The following PXYLP1 variants were observed in gnomAD, a reference collection of about 807,000 sequenced individuals.
PXYLP1 encodes the protein acid phosphatase-like 2.
In PXYLP1, 17 loss-of-function variants were observed where a neutral mutation model predicts 37.9. The ratio of observed to expected loss-of-function variants is 0.45; its 90% CI spans 0.31 to 0.67. The LOEUF is 0.67. Ranked by LOEUF, PXYLP1 falls within the 30% of genes least tolerant of loss-of-function variation. The pLI is 0.07. For synonymous variants in PXYLP1, 221 were observed against 232.2 expected, an observed-to-expected ratio of 0.95 and a Z score of 0.44; for missense variants, 511 against 612.0, an observed-to-expected ratio of 0.84 and a Z score of 1.74.
intron 5 of PXYLP1, 45 bp downstream of exon 5, chr3:141,287,498 T>C (rs1200303973): frequency 6.3e-7 from 1 of 1,596,304 alleles, no homozygotes. Flanking sequence ...CACCCGCTCT[T>C]CTGCTTGCAT....
intron 1 of PXYLP1, among the ~76,000 whole-genome samples, chr3:141,245,890 G>T (rs1015894734): frequency 1.4e-4 from 21 of 152,222 alleles, no homozygotes; most frequent in African/African-American, 5.1e-4. Context: ...CTTTGCTGTT[G>T]TTGTTTGGAT....
intron 1 of PXYLP1, among the ~76,000 whole-genome samples, chr3:141,239,596 C>T (rs1441429603): frequency 2.6e-5 from 4 of 152,140 alleles, no homozygotes; most frequent in African/African-American, 9.7e-5. Context: ...TGGTGTTTAA[C>T]GACTCTACTT....
At chr3:141,255,458 G>C (rs1941242724) in intron 1 of PXYLP1, among the ~76,000 whole-genome samples, 1 of 152,248 alleles carries the variant, frequency 6.6e-6, no homozygotes, top group Non-Finnish European at 1.5e-5. Flanking sequence ...AGAAGGTGAT[G>C]GGACTTGAGA....
At position 141,278,309 on chromosome 3, in the gene PXYLP1, C is replaced by T. The variant is rs202095422; in HGVS notation, c.80-33C>T. 2.5e-6 allele frequency: 4 copies of T among 1,612,850 alleles called. No individual in the cohort carries two copies. In the East Asian group the frequency reaches 6.7e-5, roughly 27 times the overall value. ...TGCAGCTGGCCTGGCGCCCCAGGAA[C>T]TGTGCGTCACAACCTGCCTTACTTC... is the stretch of plus-strand genomic sequence containing the variant. On this transcript the variant is annotated intron_variant, in intron 2 of 5. Coordinates refer to ENST00000286353, the MANE Select transcript of PXYLP1 (RefSeq NM_001037172.3).
intron 1 of PXYLP1, among the ~76,000 whole-genome samples, chr3:141,239,455 C>A (rs534275562): frequency 6.6e-6 from 1 of 152,310 alleles, no homozygotes; most frequent in Admixed American, 6.5e-5. Context: ...GCAGGAAGAT[C>A]TAAGCAAGCC....
At chr3:141,252,463 C>G (rs750863690) in intron 1 of PXYLP1, among the ~76,000 whole-genome samples, 4 of 152,162 alleles carry the variant, frequency 2.6e-5, no homozygotes, top group Non-Finnish European at 2.9e-5. Context: ...GCCAGCGTAT[C>G]ACACGGTGAG....
chr3:141,250,720 G>C (rs964964683), intron 1 of PXYLP1, among the ~76,000 whole-genome samples: 1 of 152,232 alleles, frequency 6.6e-6, no homozygotes, highest in Non-Finnish European at 1.5e-5. Context: ...GCGACCCTGA[G>C]AGAAGCCAGC....
At chr3:141,273,862 T>A in intron 2 of PXYLP1, 1 of 985,310 alleles carries the variant, frequency 1.0e-6, no homozygotes, top group Non-Finnish European at 1.2e-6. Context: ...GTAAAAGATA[T>A]CTCGTATCCT....
chr3:141,278,387 A>G lies in PXYLP1; in HGVS notation c.125A>G (p.Lys42Arg). The change falls in exon 3 of 6, where the codon AAG becomes AGG. Residue 42 changes from lysine to arginine, a missense_variant. Physicochemically the swap from Lys to Arg is conservative, Grantham distance 26 (BLOSUM62 2). Coordinates refer to ENST00000286353, the MANE Select transcript of PXYLP1 (RefSeq NM_001037172.3). ...VSTPKNGMSSKSRKRIMPDPV... is the reference protein window; with the variant it reads ...VSTPKNGMSSRSRKRIMPDPV... The stretch of plus-strand genomic sequence containing the variant: ...ACTCCTAAGAATGGAATGAGTAGCA[A>G]GAGTCGAAAGAGAATCATGCCCGAC... 6.2e-7 allele frequency: 1 copy of G among 1,614,190 alleles called. No individual in the cohort carries two copies. The highest frequency in any genetic ancestry group is 8.5e-7 in the Non-Finnish European group (1 of 1,180,026).
chr3:141,270,923 C>T (rs1941647310), intron 2 of PXYLP1, among the ~76,000 whole-genome samples: 2 of 152,162 alleles, frequency 1.3e-5, no homozygotes, highest in South Asian at 2.1e-4. Context: ...TGGAGTCTCA[C>T]TCTGTCACCC....
intron 1 of PXYLP1, among the ~76,000 whole-genome samples, chr3:141,252,863 G>A (rs889847480): frequency 7.2e-5 from 11 of 152,146 alleles, no homozygotes; most frequent in Admixed American, 5.9e-4. Context: ...TCTGTGGTGC[G>A]GCAAAGTGCA....
chr3:141,281,290 A>C (rs1228723349), intron 4 of PXYLP1, among the ~76,000 whole-genome samples: 2 of 152,208 alleles, frequency 1.3e-5, no homozygotes, highest in Non-Finnish European at 2.9e-5. Flanking sequence ...CCTATGGAGT[A>C]AGCAGCAAGT....
intron 1 of PXYLP1, among the ~76,000 whole-genome samples, chr3:141,247,311 A>G (rs780340608): frequency 7.3e-4 from 112 of 152,386 alleles, no homozygotes; most frequent in Non-Finnish European, 1.3e-3. Flanking sequence ...ATGGGAAACC[A>G]CTAGAAGACC....
intron 1 of PXYLP1, chr3:141,258,671 T>A: frequency 6.0e-6 from 1 of 166,368 alleles, no homozygotes; most frequent in Non-Finnish European, 1.3e-5. Context: ...CATGCGCGGC[T>A]ATCCAGGAAA....
intron 5 of PXYLP1, among the ~76,000 whole-genome samples, chr3:141,289,570 A>T (rs1576608912): frequency 1.3e-5 from 2 of 152,238 alleles, no homozygotes; most frequent in East Asian, 3.8e-4. Context: ...ATTTATTATA[A>T]GAATTCAGGA....
intron 1 of PXYLP1, among the ~76,000 whole-genome samples, chr3:141,248,659 A>G (rs376171024): frequency 1.6e-4 from 13 of 80,632 alleles, no homozygotes; most frequent in Non-Finnish European, 2.7e-4. Context: ...ATACACACGT[A>G]TATATACACA....
At chr3:141,288,450 A>T (rs1942126543) in intron 5 of PXYLP1, among the ~76,000 whole-genome samples, 1 of 152,246 alleles carries the variant, frequency 6.6e-6, no homozygotes, top group Admixed American at 6.5e-5. Context: ...CTAGCCGTGG[A>T]TAAGGAGTTG....
chr3:141,257,925 AAGAGAG>A (rs386398092), intron 1 of PXYLP1, among the ~76,000 whole-genome samples: 17 of 136,032 alleles, frequency 1.2e-4, no homozygotes, highest in African/African-American at 5.5e-4. Context: ...AAAAAAAAAA[AAGAGAG>A]AGAGAGAGAA....
intron 1 of PXYLP1, among the ~76,000 whole-genome samples, chr3:141,242,912 C>A (rs1342906801): frequency 6.6e-6 from 1 of 152,212 alleles, no homozygotes. Context: ...TCCCCAGCTT[C>A]TATAACTATC....
Sources: allele counts gnomAD v4.1 joint callset (sites outside exome capture counted in the v4.1 genomes callset), GRCh38; gene constraint gnomAD v4.1.1; transcripts MANE v1.5; gene names NCBI Gene and HGNC (gene_info 2026-07-23, HGNC 2026-07-21).